The following CPA6 variants were observed in gnomAD, a reference collection of about 807,000 sequenced individuals.
The protein encoded by CPA6 is carboxypeptidase A6.
A neutral mutation model predicts 63.3 loss-of-function variants in CPA6; 58 were observed. The ratio of observed to expected loss-of-function variants is 0.92; its 90% CI spans 0.74 to 1.14. The LOEUF is 1.14. CPA6 is among the 50% of genes most tolerant of loss of function. The pLI is 0.00. For synonymous variants in CPA6, 185 were observed against 179.0 expected (o/e 1.03, Z -0.27); for missense variants, 565 against 526.6 (o/e 1.07, Z -0.71).
At chr8:67,566,324 C>A (rs1338413274) in intron 2 of CPA6, among the ~76,000 whole-genome samples, 1 of 152,206 alleles carries the variant, frequency 6.6e-6, no homozygotes, top group Non-Finnish European at 1.5e-5. Flanking sequence ...GGCATCTCCT[C>A]ATAGTGTACA....
intron 2 of CPA6, among the ~76,000 whole-genome samples, chr8:67,572,873 C>T (rs1046480051): frequency 2.6e-5 from 4 of 152,120 alleles, no homozygotes; most frequent in Admixed American, 2.6e-4. Flanking sequence ...AATATAGACG[C>T]AGAAATCCTC....
intron 1 of CPA6, among the ~76,000 whole-genome samples, chr8:67,684,598 G>T (rs1010151921): frequency 6.6e-6 from 1 of 152,094 alleles, no homozygotes; most frequent in Non-Finnish European, 1.5e-5. Context: ...AAGATTGGCC[G>T]GATGCCTGGA....
chr8:67,585,126 T>C (rs1813891346), intron 2 of CPA6, among the ~76,000 whole-genome samples: 1 of 152,208 alleles, frequency 6.6e-6, no homozygotes. Context: ...TAACGAATAG[T>C]GCTACTGGGA....
At chr8:67,642,884 A>G (rs1815627275) in intron 1 of CPA6, among the ~76,000 whole-genome samples, 1 of 152,266 alleles carries the variant, frequency 6.6e-6, no homozygotes, top group African/African-American at 2.4e-5. Context: ...GATTAAGAAG[A>G]AAACATAAAT....
At chr8:67,635,473 T>A (rs990570619) in intron 1 of CPA6, among the ~76,000 whole-genome samples, 3 of 151,732 alleles carry the variant, frequency 2.0e-5, no homozygotes, top group Non-Finnish European at 4.4e-5. Context: ...ACACTTTATA[T>A]AAAAGAAAAA....
intron 1 of CPA6, among the ~76,000 whole-genome samples, chr8:67,677,939 CA>C (rs1180273071): frequency 1.3e-5 from 2 of 151,140 alleles, no homozygotes; most frequent in African/African-American, 4.9e-5. Flanking sequence ...AAAAAAACAA[CA>C]AAAAAGCTAA....
chr8:67,607,054 G>C (rs562918194), intron 2 of CPA6, among the ~76,000 whole-genome samples: 2 of 151,270 alleles, frequency 1.3e-5, no homozygotes, highest in African/African-American at 2.4e-5. Flanking sequence ...TTCTTTCCTA[G>C]ATGTAACTCT....
chr8:67,673,199 TCTGA>T (rs903814870), intron 1 of CPA6, among the ~76,000 whole-genome samples: 33 of 152,198 alleles, frequency 2.2e-4, no homozygotes, highest in African/African-American at 7.5e-4. Flanking sequence ...ACCTCTCTTC[TCTGA>T]CTGTATTTGG....
At chr8:67,536,424 T>C (rs1812586384) in intron 2 of CPA6, among the ~76,000 whole-genome samples, 1 of 152,190 alleles carries the variant, frequency 6.6e-6, no homozygotes, top group South Asian at 2.1e-4. Flanking sequence ...CCCTTGTAAG[T>C]TGGATTCCTA....
At chr8:67,604,317 T>C (rs1814571296) in intron 2 of CPA6, among the ~76,000 whole-genome samples, 1 of 152,204 alleles carries the variant, frequency 6.6e-6, no homozygotes, top group Non-Finnish European at 1.5e-5. Context: ...TGTCCGAGAC[T>C]GGCCCTTCTG....
intron 1 of CPA6, among the ~76,000 whole-genome samples, chr8:67,714,151 C>A (rs1817330163): frequency 6.6e-6 from 1 of 152,032 alleles, no homozygotes; most frequent in African/African-American, 2.4e-5. Flanking sequence ...GTTTATTATA[C>A]CCAAACAAAT....
intron 8 of CPA6, among the ~76,000 whole-genome samples, chr8:67,461,712 C>T (rs554492522): frequency 3.3e-5 from 5 of 152,036 alleles, no homozygotes; most frequent in South Asian, 4.1e-4. Flanking sequence ...ACTTCCCTCC[C>T]GGATGGAGCG....
chr8:67,641,454 T>C (rs1815590321), intron 1 of CPA6, among the ~76,000 whole-genome samples: 1 of 152,204 alleles, frequency 6.6e-6, no homozygotes. Context: ...AACTAGAAAC[T>C]TGATGGACAG....
chr8:67,497,958 C>T (rs993110714), intron 6 of CPA6, among the ~76,000 whole-genome samples: 1 of 152,022 alleles, frequency 6.6e-6, no homozygotes, highest in Non-Finnish European at 1.5e-5. Context: ...TGTGAGCCAT[C>T]CTCTATTTTT....
intron 8 of CPA6, among the ~76,000 whole-genome samples, chr8:67,464,441 T>A (rs1810881675): frequency 6.6e-6 from 1 of 152,238 alleles, no homozygotes; most frequent in South Asian, 2.1e-4. Context: ...ATACATAGTT[T>A]ATGAATATTT....
chr8:67,684,309 G>A (rs543586571), intron 1 of CPA6, among the ~76,000 whole-genome samples: 2 of 152,154 alleles, frequency 1.3e-5, no homozygotes, highest in South Asian at 4.2e-4. Context: ...TGTCTGTCAT[G>A]TGTCTTGTAG....
chr8:67,677,067 A>G (rs1250212287), intron 1 of CPA6, among the ~76,000 whole-genome samples: 1 of 152,198 alleles, frequency 6.6e-6, no homozygotes, highest in Non-Finnish European at 1.5e-5. Context: ...GACATCATTC[A>G]CATTTAGGTC....
At chr8:67,456,843 A>T (rs1331198888) in intron 8 of CPA6, among the ~76,000 whole-genome samples, 1 of 152,242 alleles carries the variant, frequency 6.6e-6, no homozygotes, top group Non-Finnish European at 1.5e-5. Context: ...GGAGATTTGA[A>T]TACCGGCAGA....
chr8:67,458,589 C>T (rs1009856182), intron 8 of CPA6, among the ~76,000 whole-genome samples: 5 of 152,040 alleles, frequency 3.3e-5, no homozygotes, highest in South Asian at 2.1e-4. Context: ...TTCTGTTCTG[C>T]GAAAGACAAT....
Sources: allele counts gnomAD v4.1 joint callset (sites outside exome capture counted in the v4.1 genomes callset), GRCh38; gene constraint gnomAD v4.1.1; transcripts MANE v1.5; gene names NCBI Gene and HGNC (gene_info 2026-07-23, HGNC 2026-07-21).